Variants in MYO10 observed in about 807,000 individuals in gnomAD.
MYO10 encodes myosin X, also known as unconventional myosin-X.
A neutral mutation model predicts 257.3 loss-of-function variants in MYO10; 133 were observed. The ratio of observed to expected loss-of-function variants is 0.52; its 90% CI spans 0.45 to 0.60. The LOEUF (loss-of-function observed/expected upper bound fraction) is 0.60. Among genes scored for constraint, MYO10 ranks in the 20% least tolerant of loss-of-function variants. The pLI, the probability that MYO10 is intolerant of heterozygous loss-of-function variation, is 0.00. For synonymous variants in MYO10, 1,104 were observed against 1,028.6 expected, an observed-to-expected ratio of 1.07 and a Z score of -1.40; for missense variants, 2,399 against 2,635.7, an observed-to-expected ratio of 0.91 and a Z score of 1.97.
intron 1 of MYO10, among the ~76,000 whole-genome samples, chr5:16,918,073 G>A (rs962091366): frequency 6.6e-6 from 1 of 152,176 alleles, no homozygotes; most frequent in South Asian, 2.1e-4. Context: ...GCCTTCAAAA[G>A]CTGGTTTAAA....
chr5:16,687,937 T>G (rs1382721962), intron 28 of MYO10, among the ~76,000 whole-genome samples: 1 of 152,336 alleles, frequency 6.6e-6, no homozygotes, highest in Non-Finnish European at 1.5e-5. Context: ...CTTAAATTTA[T>G]AAATTTCTTC....
chr5:16,773,311 A>C (rs1741109567), intron 9 of MYO10, among the ~76,000 whole-genome samples: 1 of 152,202 alleles, frequency 6.6e-6, no homozygotes. Context: ...TGTTATTCTC[A>C]AGACTTTTTA....
At chr5:16,686,254 A>C (rs139571293) in intron 28 of MYO10, among the ~76,000 whole-genome samples, 417 of 152,300 alleles carry the variant, frequency 2.7e-3, no homozygotes, top group African/African-American at 9.5e-3. Context: ...TTAAAACATA[A>C]ATTTTAAGGT....
At chr5:16,909,178 G>A (rs1406280230) in intron 1 of MYO10, among the ~76,000 whole-genome samples, 1 of 152,192 alleles carries the variant, frequency 6.6e-6, no homozygotes, top group African/African-American at 2.4e-5. Flanking sequence ...CATGGTGGCA[G>A]GTAAGAGGGC....
rs775202307 is a variant in MYO10 at position 16,676,105 on chromosome 5, G to A, written c.4592C>T (p.Pro1531Leu). The A allele has an allele frequency of 7.4e-6, 12 of 1,613,242 alleles. No homozygotes were observed. The highest frequency in any genetic ancestry group is 2.2e-5 in the South Asian group (2 of 90,978). The change falls in exon 34 of 41, where the codon CCG (proline) becomes CTG (leucine). Residue 1531 changes from proline to leucine, a missense_variant. Physicochemically the swap from Pro to Leu is moderately conservative, Grantham distance 98 (BLOSUM62 -3). Transcript: ENST00000513610. ...DVVEQIYKRNPILRYTHHPLH... is the reference protein window; with the variant it reads ...DVVEQIYKRNLILRYTHHPLH... ...GGGGTGATGGGTGTATCGAAGGATC[G>A]GGTTCCGCTTGTAAATCTGTTCCAC...
chr5:16,691,471 G>T (rs1737500465), intron 27 of MYO10, among the ~76,000 whole-genome samples: 1 of 151,990 alleles, frequency 6.6e-6, no homozygotes, highest in African/African-American at 2.4e-5. Flanking sequence ...GGATGAGGCA[G>T]GCGGATCACT....
intron 2 of MYO10, among the ~76,000 whole-genome samples, chr5:16,874,342 A>AG (rs1744533057): frequency 8.1e-4 from 4 of 4,952 alleles, no homozygotes; most frequent in Non-Finnish European, 1.5e-3. Context: ...TAAAAAAAAA[A>AG]GCGGGGGGGG....
Position 16,762,653 on chromosome 5 carries a change from G to GA in MYO10, c.1495-17dup. 2.6e-6 allele frequency: 4 copies of GA among 1,557,886 alleles called. No homozygotes were observed. Among genetic ancestry groups the GA allele is most frequent in the Non-Finnish European group, 3.5e-6 (4 of 1,144,256 alleles). ...GGCCAAGTTTCTAGAAGAAGAAAAA[G>GA]AAAAAATGAATTAAAAGTTGAATGT... is the stretch of plus-strand genomic sequence containing the variant. On this transcript the variant is annotated splice_polypyrimidine_tract_variant and intron_variant, in intron 14 of 40. Transcript: ENST00000513610.
Position 16,755,010 on chromosome 5 carries a change from T to C in MYO10, c.1849-102A>G, listed in dbSNP as rs1032296215. On this transcript the variant is annotated intron_variant, in intron 18 of 40. Coordinates refer to ENST00000513610, the MANE Select transcript of MYO10 (RefSeq NM_012334.3). ...AAACAATAATTTAAAAAACACAATA[T>C]AAATCATAGGACTAATAACTTAGAG... 8.9e-5 allele frequency: 59 copies of C among 663,488 alleles called. 1 individual carries two copies. In the East Asian group the frequency reaches 1.7e-3, roughly 19 times the overall value. The allele number at this position is 663,488 out of a possible 1,614,324, so 41.1% of individuals were successfully genotyped here.
chr5:16,802,387 A>G (rs1200730777), intron 3 of MYO10, among the ~76,000 whole-genome samples: 1 of 152,110 alleles, frequency 6.6e-6, no homozygotes, highest in Non-Finnish European at 1.5e-5. Flanking sequence ...AGCCGGGTGC[A>G]GTGGCTCATG....
chr5:16,670,977 G>C lies in MYO10; in HGVS notation c.5432C>G (p.Ala1811Gly), dbSNP rs1736429980. ...GTGGCCATGGATAACCGCTTCGTGG[G>C]CCTGAAAGGAGACAGTCAACAGCTT... ...SVEFAFMFEQ[A>G]HEAVIHGHHP... The change falls in exon 39 of 41, where the codon GCC (alanine) becomes GGC (glycine). Residue 1811 changes from alanine (A) to glycine (G), a missense_variant and splice_region_variant. By Grantham distance (60) the Ala-to-Gly change is moderately conservative (BLOSUM62 0). Around this residue, in one of 3 missense-constraint regions of MYO10, gnomAD observed 1,820 missense variants for 1,939.4 expected, o/e 0.94. Coordinates refer to ENST00000513610, the MANE Select transcript of MYO10 (RefSeq NM_012334.3). 1 of 1,604,450 alleles carries C rather than the reference G, an allele frequency of 6.2e-7. No individual in the cohort carries two copies. Among genetic ancestry groups the C allele is most frequent in the African/African-American group, 1.3e-5 (1 of 74,698 alleles).
chr5:16,821,092 A>G (rs1160575527), intron 2 of MYO10, among the ~76,000 whole-genome samples: 1 of 147,340 alleles, frequency 6.8e-6, no homozygotes, highest in East Asian at 2.0e-4. Flanking sequence ...TATACATATA[A>G]TGTATAATAT....
chr5:16,816,366 CT>C (rs1264352329), intron 3 of MYO10, among the ~76,000 whole-genome samples: 131 of 140,762 alleles, frequency 9.3e-4, no homozygotes, highest in Middle Eastern at 7.6e-3. Context: ...CAAATACACT[CT>C]TTTTTTTTTT....
rs900503610 is a variant in MYO10 at position 16,777,845 on chromosome 5, T to C, written c.930+1700A>G. Among the ~76,000 whole-genome samples the C allele has an allele frequency of 8.6e-4, 110 of 127,552 alleles. 3 individuals carry two copies. The Middle Eastern group carries it at 0.011, about 13-fold the overall frequency. The allele number at this position is 127,552 out of a possible 152,430, so 83.7% of individuals were successfully genotyped here. ...CTAGGTGCATTGCATCTAACTTTTT[T>C]TTTTTTTTTTTTTTTTTTTTTTGAG... On this transcript the variant is annotated intron_variant, in intron 9 of 40. Transcript: ENST00000513610.
intron 39 of MYO10, 114 bp from the exon 40 acceptor site, chr5:16,668,582 T>C (rs1397150183): frequency 2.5e-6 from 2 of 804,338 alleles, no homozygotes; most frequent in East Asian, 2.8e-5. Flanking sequence ...ATTAAATATA[T>C]TCGATGTGCA....
At chr5:16,727,272 CA>C (rs916562801) in intron 19 of MYO10, among the ~76,000 whole-genome samples, 41 of 152,214 alleles carry the variant, frequency 2.7e-4, no homozygotes, top group African/African-American at 9.9e-4. Flanking sequence ...TCCTATTGAA[CA>C]GTGTTATTCT....
At chr5:16,771,664 C>T (rs6868361) in intron 9 of MYO10, among the ~76,000 whole-genome samples, 42,502 of 150,616 alleles carry the variant, frequency 0.28, 7,496 homozygotes, top group Non-Finnish European at 0.4. Context: ...ACTGCAGCCT[C>T]GACTTCCCAG....
Position 16,828,303 on chromosome 5 carries a change from G to A in MYO10, c.121-10136C>T, listed in dbSNP as rs867071570. 1.1e-4 allele frequency among the ~76,000 whole-genome samples: 17 copies of A among 152,124 alleles called. No homozygotes were observed. The South Asian group carries it at 1.2e-3, about 11-fold the overall frequency. The stretch of plus-strand genomic sequence containing the variant: ...TCATGAAGATGAAGGCAAAGAGATC[G>A]CTGAGGGTGGATGCCCTGGGAATGG... On this transcript the variant is annotated intron_variant, in intron 2 of 40. Transcript: ENST00000513610.
intron 11 of MYO10, among the ~76,000 whole-genome samples, chr5:16,765,007 T>C (rs752142638): frequency 6.6e-6 from 1 of 152,208 alleles, no homozygotes; most frequent in Admixed American, 6.5e-5. Flanking sequence ...AAAACAATAA[T>C]TAAGATGTGA....
Sources: allele counts gnomAD v4.1 joint callset (sites outside exome capture counted in the v4.1 genomes callset), GRCh38; gene constraint gnomAD v4.1.1; regional missense constraint gnomAD v4.1.1; transcripts MANE v1.5; gene names NCBI Gene and HGNC (gene_info 2026-07-23, HGNC 2026-07-21).